Variants in CDK5RAP2 observed in about 807,000 individuals in gnomAD.
The protein encoded by CDK5RAP2 is CDK5 regulatory subunit-associated protein 2.
Under a neutral mutation model 232.9 loss-of-function variants are expected in CDK5RAP2, and 147 were observed. The ratio of observed to expected loss-of-function variants is 0.63; its 90% CI spans 0.55 to 0.72. The LOEUF (loss-of-function observed/expected upper bound fraction) is 0.72. Ranked by LOEUF, CDK5RAP2 falls within the 30% of genes least tolerant of loss-of-function variation. CDK5RAP2 has a pLI of 0.00. For missense variants in CDK5RAP2, 2,195 were observed against 2,231.5 expected (o/e 0.98, Z 0.33); for synonymous variants, 833 against 833.7 (o/e 1.00, Z 0.01).
intron 32 of CDK5RAP2, among the ~76,000 whole-genome samples, chr9:120,405,133 G>C (rs1167986540): frequency 6.6e-6 from 1 of 152,212 alleles, no homozygotes; most frequent in Non-Finnish European, 1.5e-5. Context: ...TAAGGCCAAG[G>C]AGCCAGGAGG....
At chr9:120,413,715 A>G (rs1364744306) in intron 28 of CDK5RAP2, among the ~76,000 whole-genome samples, 4 of 151,654 alleles carry the variant, frequency 2.6e-5, no homozygotes, top group Non-Finnish European at 5.9e-5. Context: ...CCAGGCGTGT[A>G]TTTCTTTCCT....
At chr9:120,458,061 T>G (rs1402428561) in intron 20 of CDK5RAP2, among the ~76,000 whole-genome samples, 1 of 152,248 alleles carries the variant, frequency 6.6e-6, no homozygotes, top group Non-Finnish European at 1.5e-5. Context: ...AGAAGAGAAC[T>G]TTAATTCAAG....
intron 3 of CDK5RAP2, among the ~76,000 whole-genome samples, chr9:120,554,126 T>G (rs2042140801): frequency 1.3e-5 from 2 of 152,150 alleles, no homozygotes; most frequent in Admixed American, 1.3e-4. Context: ...ATAAAAACAC[T>G]ACAGTATGGG....
chr9:120,460,163 TAC>T lies in CDK5RAP2; in HGVS notation c.2202+407_2202+408del, dbSNP rs2037004402. ...ACCTCAACTAAATGATCTGGTAGTTTACACAGTCCAGAAACAAGGGTTCTTAT... is the reference window on the plus strand; with the variant it reads ...ACCTCAACTAAATGATCTGGTAGTTTACAGTCCAGAAACAAGGGTTCTTAT... On this transcript the variant is annotated intron_variant, in intron 19 of 37. Transcript: ENST00000349780. 2.0e-5 allele frequency among the ~76,000 whole-genome samples: 3 copies of T among 152,302 alleles called. No individual in the cohort carries two copies. The South Asian group carries it at 6.2e-4, about 32-fold the overall frequency.
chr9:120,440,075 AC>A, intron 23 of CDK5RAP2, 103 bp from the exon 24 acceptor site: 1 of 976,552 alleles, frequency 1.0e-6, no homozygotes, highest in Non-Finnish European at 1.6e-6. Flanking sequence ...CAGTGACCTA[AC>A]AAGCCTCCCT....
In CDK5RAP2 at chr9:120,562,157, C is replaced by G. The variant is rs374818762; in HGVS notation, c.195+6164G>C. 8.5e-5 allele frequency among the ~76,000 whole-genome samples: 13 copies of G among 152,322 alleles called. No homozygotes were observed. The South Asian group carries it at 1.9e-3, about 22-fold the overall frequency. On this transcript the variant is annotated intron_variant, in intron 3 of 37. Transcript: ENST00000349780. ...ACACCTTCATCAACAGAGCTTTATT[C>G]CTTCTACTGGGCTGTTTCCCTAGTA...
At chr9:120,457,371 G>A (rs2036840827) in intron 20 of CDK5RAP2, among the ~76,000 whole-genome samples, 1 of 152,096 alleles carries the variant, frequency 6.6e-6, no homozygotes, top group Non-Finnish European at 1.5e-5. Flanking sequence ...ATGGCCCTCA[G>A]ACAAAAAGTG....
At chr9:120,475,893 G>A (rs1005528156) in intron 15 of CDK5RAP2, among the ~76,000 whole-genome samples, 1 of 152,206 alleles carries the variant, frequency 6.6e-6, no homozygotes, top group African/African-American at 2.4e-5. Context: ...ACACAGGTGA[G>A]GAGGCAGAGC....
At chr9:120,577,426 G>C (rs796456253) in intron 1 of CDK5RAP2, among the ~76,000 whole-genome samples, 4 of 152,260 alleles carry the variant, frequency 2.6e-5, no homozygotes, top group African/African-American at 7.2e-5. Flanking sequence ...CTGGGAGAAG[G>C]GGGGAATAGG....
At chr9:120,573,102 C>A (rs1159434180) in intron 1 of CDK5RAP2, among the ~76,000 whole-genome samples, 2 of 152,242 alleles carry the variant, frequency 1.3e-5, no homozygotes, top group African/African-American at 4.8e-5. Flanking sequence ...TGGCAATTTG[C>A]TCTTTCCATG....
intron 5 of CDK5RAP2, among the ~76,000 whole-genome samples, chr9:120,540,087 T>A (rs1173079964): frequency 6.6e-6 from 1 of 152,238 alleles, no homozygotes; most frequent in East Asian, 1.9e-4. Flanking sequence ...AAACACAGAG[T>A]ACACACTGCT....
chr9:120,460,071 G>A (rs1052151409), intron 19 of CDK5RAP2, among the ~76,000 whole-genome samples: 1 of 152,126 alleles, frequency 6.6e-6, no homozygotes, highest in African/African-American at 2.4e-5. Context: ...AGTAACGTGG[G>A]TTCCAGATGA....
At chr9:120,556,344 ATCT>A (rs1424211143) in intron 3 of CDK5RAP2, among the ~76,000 whole-genome samples, 2 of 152,230 alleles carry the variant, frequency 1.3e-5, no homozygotes, top group Non-Finnish European at 2.9e-5. Context: ...ACGCTAGTAC[ATCT>A]TCACACATAA....
At chr9:120,441,280 T>C (rs1164213841) in intron 23 of CDK5RAP2, among the ~76,000 whole-genome samples, 1 of 152,176 alleles carries the variant, frequency 6.6e-6, no homozygotes, top group Non-Finnish European at 1.5e-5. Context: ...ACAGACATGG[T>C]TTCAAACTCT....
At chr9:120,469,612 A>C (rs1365603773) in intron 17 of CDK5RAP2, among the ~76,000 whole-genome samples, 1 of 152,196 alleles carries the variant, frequency 6.6e-6, no homozygotes, top group Non-Finnish European at 1.5e-5. Flanking sequence ...TTCCAGTTTA[A>C]AAAAAGATTT....
chr9:120,487,227 T>C (rs1267485510), intron 14 of CDK5RAP2, 67 bp downstream of exon 14: 3 of 1,542,524 alleles, frequency 1.9e-6, no homozygotes, highest in Non-Finnish European at 9.0e-7. Flanking sequence ...AAAGGAGTTA[T>C]CAAATATGTT....
At chr9:120,520,697 A>G (rs1398406743) in intron 11 of CDK5RAP2, among the ~76,000 whole-genome samples, 1 of 115,352 alleles carries the variant, frequency 8.7e-6, no homozygotes, top group Admixed American at 1.0e-4. Context: ...GAGATATATC[A>G]CACGATACAT....
intron 24 of CDK5RAP2, among the ~76,000 whole-genome samples, chr9:120,438,885 T>C (rs2035735699): frequency 6.6e-6 from 1 of 152,242 alleles, no homozygotes; most frequent in Non-Finnish European, 1.5e-5. Flanking sequence ...TCTATGCCCA[T>C]AAAGCATTAT....
chr9:120,525,557 C>T (rs778213392), intron 10 of CDK5RAP2, among the ~76,000 whole-genome samples: 1 of 152,074 alleles, frequency 6.6e-6, no homozygotes, highest in South Asian at 2.1e-4. Context: ...AGTGTCCTGA[C>T]ACACTGAAGG....
Sources: allele counts gnomAD v4.1 joint callset (sites outside exome capture counted in the v4.1 genomes callset), GRCh38; gene constraint gnomAD v4.1.1; transcripts MANE v1.5; gene names NCBI Gene and HGNC (gene_info 2026-07-23, HGNC 2026-07-21).